THSD4: variants seen among roughly 807,000 people sequenced by gnomAD.
THSD4 encodes thrombospondin type-1 domain-containing protein 4.
A neutral mutation model predicts 119.0 loss-of-function variants in THSD4; 69 were observed. The ratio of observed to expected loss-of-function variants is 0.58; its 90% CI spans 0.48 to 0.71. THSD4 has a LOEUF of 0.71. Ranked by LOEUF, THSD4 falls within the 30% of genes least tolerant of loss-of-function variation. The probability of loss-of-function intolerance (pLI) is 0.00; values close to 1 mark genes in which losing one functional copy is unlikely to be tolerated. For missense variants in THSD4, 1,393 were observed against 1,391.1 expected (o/e 1.00, Z -0.02); for synonymous variants, 524 against 540.4 (o/e 0.97, Z 0.42).
chr15:71,374,350 C>T (rs557587860), intron 6 of THSD4, among the ~76,000 whole-genome samples: 3 of 152,328 alleles, frequency 2.0e-5, no homozygotes, highest in African/African-American at 7.2e-5. Context: ...GGTGTGCTAT[C>T]TTCTGGGGAG....
chr15:71,358,741 C>T (rs959210575), intron 6 of THSD4, among the ~76,000 whole-genome samples: 5 of 152,298 alleles, frequency 3.3e-5, no homozygotes, highest in Non-Finnish European at 5.9e-5. Context: ...TCATCAGCAC[C>T]GCTGTCATCA....
At chr15:71,727,553 A>AT (rs1398113355) in intron 8 of THSD4, among the ~76,000 whole-genome samples, 1 of 122,782 alleles carries the variant, frequency 8.1e-6, no homozygotes, top group African/African-American at 3.9e-5. Context: ...AAAAAAAAAA[A>AT]ATATATATAT....
chr15:71,354,513 A>G (rs1000509380), intron 6 of THSD4, among the ~76,000 whole-genome samples: 4 of 152,150 alleles, frequency 2.6e-5, no homozygotes, highest in East Asian at 3.9e-4. Context: ...AAAGTATCTC[A>G]TGACCTAAAA....
At chr15:71,729,150 A>C (rs144473124) in intron 9 of THSD4, 50 of 176,146 alleles carry the variant, frequency 2.8e-4, no homozygotes, top group Non-Finnish European at 6.0e-4. Flanking sequence ...CCCTGTTCAG[A>C]CTCTGAGAGC....
intron 7 of THSD4, among the ~76,000 whole-genome samples, chr15:71,641,558 C>T (rs1242224911): frequency 6.6e-6 from 1 of 152,096 alleles, no homozygotes; most frequent in Non-Finnish European, 1.5e-5. Flanking sequence ...TGAGGTCACA[C>T]AGCTAGTGTA....
At chr15:71,560,210 T>C (rs1448319586) in intron 7 of THSD4, among the ~76,000 whole-genome samples, 5 of 152,338 alleles carry the variant, frequency 3.3e-5, no homozygotes, top group South Asian at 2.1e-4. Flanking sequence ...GAGTAATTGA[T>C]GTAAAAGACA....
chr15:71,665,793 G>A (rs2051405898), intron 8 of THSD4, among the ~76,000 whole-genome samples: 3 of 152,180 alleles, frequency 2.0e-5, no homozygotes, highest in African/African-American at 4.8e-5. Flanking sequence ...CTTTGTCGAA[G>A]ATCAGATAGT....
At chr15:71,449,805 T>C (rs1271898896) in intron 7 of THSD4, among the ~76,000 whole-genome samples, 1 of 152,174 alleles carries the variant, frequency 6.6e-6, no homozygotes, top group Non-Finnish European at 1.5e-5. Flanking sequence ...TTATACCCAA[T>C]ATGCAGGCCC....
chr15:71,581,305 A>AT lies in THSD4; in HGVS notation c.1153-79223dup, dbSNP rs1271218722. On this transcript the variant is annotated intron_variant, in intron 7 of 17. Transcript: ENST00000261862. ...GGTTTTGATTTACATTTCCTTGGTGATTAGTGATATTGAGCATCTTTTAAT... is the reference window on the plus strand; with the variant it reads ...GGTTTTGATTTACATTTCCTTGGTGATTTAGTGATATTGAGCATCTTTTAAT... 1.4e-4 allele frequency among the ~76,000 whole-genome samples: 22 copies of AT among 152,254 alleles called. No homozygotes were observed. In the East Asian group the frequency reaches 3.7e-3, roughly 25 times the overall value.
chr15:71,669,075 T>G (rs2141010308), intron 8 of THSD4, among the ~76,000 whole-genome samples: 1 of 152,280 alleles, frequency 6.6e-6, no homozygotes, highest in African/African-American at 2.4e-5. Flanking sequence ...TTCTGGAAAA[T>G]AAAGCAAAAT....
chr15:71,608,059 TA>T (rs1298605285), intron 7 of THSD4, among the ~76,000 whole-genome samples: 1 of 151,690 alleles, frequency 6.6e-6, no homozygotes, highest in Admixed American at 6.6e-5. Flanking sequence ...CTGTCTCTAC[TA>T]AAAATACAAA....
At chr15:71,394,472 C>G (rs2046418950) in intron 6 of THSD4, among the ~76,000 whole-genome samples, 1 of 152,062 alleles carries the variant, frequency 6.6e-6, no homozygotes, top group African/African-American at 2.4e-5. Flanking sequence ...GGTGTTTCAC[C>G]ATGTTAGCCG....
chr15:71,490,387 C>G (rs918381392), intron 7 of THSD4, among the ~76,000 whole-genome samples: 1 of 152,034 alleles, frequency 6.6e-6, no homozygotes, highest in Admixed American at 6.5e-5. Context: ...GGTGAAACCC[C>G]GTCTCTACTA....
chr15:71,709,159 A>G (rs576658679), intron 8 of THSD4, among the ~76,000 whole-genome samples: 1 of 152,332 alleles, frequency 6.6e-6, no homozygotes, highest in East Asian at 1.9e-4. Context: ...GGATTGGAAT[A>G]AGGACAGCCA....
chr15:71,211,884 T>G (rs1186178713), intron 3 of THSD4, among the ~76,000 whole-genome samples: 1 of 152,142 alleles, frequency 6.6e-6, no homozygotes, highest in African/African-American at 2.4e-5. Context: ...TTACCATGAT[T>G]TATTATTTGG....
chr15:71,674,257 C>T (rs2051594001), intron 8 of THSD4, among the ~76,000 whole-genome samples: 1 of 152,222 alleles, frequency 6.6e-6, no homozygotes, highest in African/African-American at 2.4e-5. Context: ...CTTCCATTTA[C>T]AGTCCAGCTC....
In THSD4 at chr15:71,642,915, C is replaced by T. The variant is rs1159940947; in HGVS notation, c.1153-17615C>T. ...TGTATACATATGTAACTAACCTGCA[C>T]ATTGTGCACATGTGCCCTAAAACTT... On this transcript the variant is annotated intron_variant, in intron 7 of 17. Coordinates refer to ENST00000261862, the MANE Select transcript of THSD4 (RefSeq NM_024817.3). 3.3e-5 allele frequency among the ~76,000 whole-genome samples: 5 copies of T among 152,152 alleles called. 1 individual carries two copies. The East Asian group carries it at 7.7e-4, about 23-fold the overall frequency.
chr15:71,661,173 C>T (rs988934042), intron 8 of THSD4, among the ~76,000 whole-genome samples: 1 of 152,250 alleles, frequency 6.6e-6, no homozygotes. Context: ...CTTCTTTCTG[C>T]CTCATCTGCC....
intron 6 of THSD4, among the ~76,000 whole-genome samples, chr15:71,325,161 C>G (rs761770734): frequency 7.9e-5 from 12 of 152,148 alleles, no homozygotes; most frequent in Non-Finnish European, 1.5e-4. Flanking sequence ...ATATAACCAA[C>G]CCTTCTTGCT....
Sources: allele counts gnomAD v4.1 joint callset (sites outside exome capture counted in the v4.1 genomes callset), GRCh38; gene constraint gnomAD v4.1.1; transcripts MANE v1.5; gene names NCBI Gene and HGNC (gene_info 2026-07-23, HGNC 2026-07-21).